NR2C2: variants seen among roughly 807,000 people sequenced by gnomAD.
NR2C2 encodes Nuclear hormone receptor TR4.
In NR2C2, 6 loss-of-function variants were observed where a neutral mutation model predicts 62.9. The observed-to-expected ratio is 0.10, with a 90% CI of 0.05 to 0.19. NR2C2 has a LOEUF of 0.19. Ranked by LOEUF, NR2C2 falls within the 10% of genes least tolerant of loss-of-function variation. The pLI, the probability that NR2C2 is intolerant of heterozygous loss-of-function variation, is 1.00. For missense variants in NR2C2, 479 were observed against 762.7 expected, an observed-to-expected ratio of 0.63 and a Z score of 4.38; for synonymous variants, 272 against 273.8, an observed-to-expected ratio of 0.99 and a Z score of 0.07.
At chr3:15,000,076 T>C (rs991479596) in intron 1 of NR2C2, among the ~76,000 whole-genome samples, 3 of 152,174 alleles carry the variant, frequency 2.0e-5, no homozygotes, top group African/African-American at 7.2e-5. Flanking sequence ...TAGGCTATTA[T>C]TAACTGTATT....
intron 1 of NR2C2, among the ~76,000 whole-genome samples, chr3:14,950,287 G>T (rs2039313025): frequency 6.6e-6 from 1 of 152,004 alleles, no homozygotes; most frequent in South Asian, 2.1e-4. Context: ...ACAAAATAAT[G>T]GAACTAAATA....
chr3:15,046,141 C>T lies in NR2C2; in HGVS notation c.*3133C>T, dbSNP rs2042441289. ...TCTCCTAATTTGACATTTCTGTGTC[C>T]TGAGGAGTTACATTTATTGTCTAAC... On this transcript the variant is annotated 3_prime_UTR_variant, in exon 14 of 14. Coordinates refer to ENST00000425241, the MANE Select transcript of NR2C2 (RefSeq NM_001291694.2). The T allele has an allele frequency of 6.6e-6, 1 of 152,174 alleles. No homozygotes were observed. 9.4% of individuals were successfully genotyped at this position (152,174 alleles called of 1,614,324 possible).
chr3:14,951,477 G>GT (rs2039353977), intron 1 of NR2C2, among the ~76,000 whole-genome samples: 1 of 151,920 alleles, frequency 6.6e-6, no homozygotes, highest in African/African-American at 2.4e-5. Context: ...AATAATAATA[G>GT]TTTAACTGTT....
In NR2C2 at chr3:15,030,410, G is replaced by A. The variant is rs771065777; in HGVS notation, c.1068G>A (p.Glu356=). 15 of 1,606,358 alleles carry A rather than the reference G, an allele frequency of 9.3e-6. No individual in the cohort carries two copies. The highest frequency in any genetic ancestry group is 1.3e-5 in the Non-Finnish European group (15 of 1,177,744). The change falls in exon 9 of 14, where the codon GAG becomes GAA. Residue 356 remains glutamate (E), a synonymous_variant. Transcript: ENST00000425241. The part of the protein sequence containing the change: ...ISRDQSTPII[E]VEGPLLSDTH... ...GAGACCAGTCGACACCCATCATTGA[G>A]GTTGAAGGCCCCCTCCTTTCAGACA...
chr3:15,010,578 G>C (rs1405291143), intron 2 of NR2C2, among the ~76,000 whole-genome samples: 1 of 151,946 alleles, frequency 6.6e-6, no homozygotes, highest in African/African-American at 2.4e-5. Flanking sequence ...CAGGCATGGT[G>C]GTGCTTACCT....
chr3:15,029,757 C>T (rs1382097593), intron 8 of NR2C2, among the ~76,000 whole-genome samples: 1 of 151,346 alleles, frequency 6.6e-6, no homozygotes, highest in Non-Finnish European at 1.5e-5. Flanking sequence ...GGGTTTGAGA[C>T]CAGCTGAGAC....
At chr3:14,987,725 T>C (rs1031194811) in intron 1 of NR2C2, among the ~76,000 whole-genome samples, 3 of 152,246 alleles carry the variant, frequency 2.0e-5, no homozygotes, top group Non-Finnish European at 2.9e-5. Flanking sequence ...TTATTTCATT[T>C]GCTGTTGTGT....
chr3:15,039,220 A>G lies in NR2C2; in HGVS notation c.1609A>G (p.Thr537Ala). ...DYVQKTYSED[T>A]YRLARILVRL... ...TGTTCAGAAAACCTACTCAGAAGAC[A>G]CCTACCGGTGAGGCATTCAGGCATA... Residue 537 changes from threonine to alanine, a missense_variant, in exon 13 of 14, where the codon ACC (threonine) becomes GCC (alanine). Thr to Ala is a moderately conservative substitution (Grantham distance 58). Coordinates refer to ENST00000425241, the MANE Select transcript of NR2C2 (RefSeq NM_001291694.2). 1 of 1,611,592 alleles carries G rather than the reference A, an allele frequency of 6.2e-7. No homozygotes were observed. Among genetic ancestry groups the G allele is most frequent in the Admixed American group, 1.7e-5 (1 of 60,000 alleles).
At chr3:15,011,455 G>A (rs2041350128) in intron 2 of NR2C2, among the ~76,000 whole-genome samples, 1 of 152,250 alleles carries the variant, frequency 6.6e-6, no homozygotes, top group South Asian at 2.1e-4. Flanking sequence ...GCTGAGAGAA[G>A]TATGTGTCAA....
chr3:15,010,933 C>T (rs1414700757), intron 2 of NR2C2, among the ~76,000 whole-genome samples: 1 of 152,124 alleles, frequency 6.6e-6, no homozygotes, highest in Non-Finnish European at 1.5e-5. Context: ...CACAAAAGGG[C>T]AAAGGAATTA....
chr3:14,968,981 T>A, intron 1 of NR2C2, among the ~76,000 whole-genome samples: 1 of 126,182 alleles, frequency 7.9e-6, no homozygotes, highest in Non-Finnish European at 1.6e-5. Flanking sequence ...CTCTGGGGAC[T>A]GTTGTGGGGT....
intron 1 of NR2C2, among the ~76,000 whole-genome samples, chr3:15,001,420 C>T (rs540925705): frequency 2.0e-5 from 3 of 148,750 alleles, no homozygotes; most frequent in South Asian, 2.1e-4. Context: ...CTGCAACCTC[C>T]GCCTCCTGGG....
At chr3:15,006,143 G>A (rs995481062) in intron 2 of NR2C2, among the ~76,000 whole-genome samples, 1 of 152,086 alleles carries the variant, frequency 6.6e-6, no homozygotes, top group African/African-American at 2.4e-5. Context: ...GGAGGTTGAG[G>A]CTGCAGTGAG....
chr3:15,039,987 A>G (rs972369629), intron 13 of NR2C2, among the ~76,000 whole-genome samples: 10 of 151,860 alleles, frequency 6.6e-5, no homozygotes, highest in African/African-American at 2.2e-4. Context: ...CGTCTCTACT[A>G]AAAATATTTA....
chr3:15,034,938 A>G, intron 11 of NR2C2, 129 bp downstream of exon 11: 13 of 939,202 alleles, frequency 1.4e-5, no homozygotes, highest in Non-Finnish European at 2.0e-5. Context: ...CAACATAGCA[A>G]ATTGGATAGC....
intron 1 of NR2C2, among the ~76,000 whole-genome samples, chr3:14,967,320 A>G (rs1387142402): frequency 6.6e-6 from 1 of 150,770 alleles, no homozygotes; most frequent in Non-Finnish European, 1.5e-5. Context: ...GGTTTAATGG[A>G]TTTTCTCTAT....
chr3:15,025,844 T>C (rs2041808292), intron 7 of NR2C2: 1 of 152,226 alleles, frequency 6.6e-6, no homozygotes, highest in South Asian at 2.1e-4. Context: ...TCAACATACC[T>C]TTCTGTTAAT....
At chr3:14,948,353 C>T (rs1190609298) in intron 1 of NR2C2, 1 of 152,260 alleles carries the variant, frequency 6.6e-6, no homozygotes. Context: ...GCAGCCCAAC[C>T]GCCGTTTTTT....
chr3:15,041,093 A>G (rs1479132810), intron 13 of NR2C2, among the ~76,000 whole-genome samples: 1 of 152,182 alleles, frequency 6.6e-6, no homozygotes, highest in Non-Finnish European at 1.5e-5. Context: ...TGGAGCCCAA[A>G]ATGATAAGGG....
Sources: gnomAD v4.1 joint callset for allele counts (sites outside exome capture counted in the v4.1 genomes callset) on GRCh38, gnomAD v4.1.1 for gene constraint, MANE v1.5 for transcripts, NCBI Gene and HGNC (gene_info 2026-07-23, HGNC 2026-07-21) for gene names.